The following SPATA17 variants were observed in gnomAD, a reference collection of about 807,000 sequenced individuals.
The protein encoded by SPATA17 is spermatogenesis-associated protein 17.
Under a neutral mutation model 62.2 loss-of-function variants are expected in SPATA17, and 53 were observed. The ratio of observed to expected loss-of-function variants is 0.85; its 90% CI spans 0.68 to 1.07. SPATA17 has a LOEUF of 1.07. Among genes scored for constraint, SPATA17 ranks in the 50% least tolerant of loss-of-function variants. The pLI, the probability that SPATA17 is intolerant of heterozygous loss-of-function variation, is 0.00. For synonymous variants in SPATA17, 146 were observed against 146.8 expected (o/e 0.99, Z 0.04); for missense variants, 466 against 425.5 (o/e 1.10, Z -0.84).
At position 217,727,251 on chromosome 1, in the gene SPATA17, AATAATAATAATAAT is replaced by A. The variant is rs1558581742; in HGVS notation, c.396-14722_396-14709del. ...AACAAGAGCAAAACTCCGTCTCAATAATAATAATAATAATAATAATAATAATAATAATAATAACA... is the reference window on the plus strand; with the variant it reads ...AACAAGAGCAAAACTCCGTCTCAATAAATAATAATAATAATAATAATAACA... On this transcript the variant is annotated intron_variant, in intron 5 of 10. Coordinates refer to ENST00000366933, the MANE Select transcript of SPATA17 (RefSeq NM_138796.4). Among the ~76,000 whole-genome samples the A allele has an allele frequency of 3.5e-3, 474 of 135,128 alleles. 6 individuals are homozygous for A. The highest frequency in any genetic ancestry group is 0.011 in the African/African-American group (432 of 39,080). 88.6% of individuals were successfully genotyped at this position (135,128 alleles called of 152,430 possible).
At chr1:217,796,109 A>G (rs1284138382) in intron 8 of SPATA17, among the ~76,000 whole-genome samples, 1 of 152,164 alleles carries the variant, frequency 6.6e-6, no homozygotes, top group Non-Finnish European at 1.5e-5. Flanking sequence ...AGTGATTTAT[A>G]TAAGTCCGTA....
chr1:217,770,620 T>C (rs1673414622), intron 6 of SPATA17, among the ~76,000 whole-genome samples: 1 of 152,142 alleles, frequency 6.6e-6, no homozygotes, highest in Non-Finnish European at 1.5e-5. Context: ...AAGGTCAGTG[T>C]ATGAGTGGAA....
intron 6 of SPATA17, among the ~76,000 whole-genome samples, chr1:217,762,810 A>G (rs1367969653): frequency 6.6e-6 from 1 of 152,174 alleles, no homozygotes; most frequent in Non-Finnish European, 1.5e-5. Context: ...CATGTCTACT[A>G]AAAACACAAA....
intron 4 of SPATA17, among the ~76,000 whole-genome samples, chr1:217,678,352 G>A (rs1272737460): frequency 6.6e-6 from 1 of 151,664 alleles, no homozygotes; most frequent in Non-Finnish European, 1.5e-5. Flanking sequence ...GGGATTACAG[G>A]CTCCTGCCAC....
At chr1:217,863,257 G>T (rs999760572) in intron 10 of SPATA17, among the ~76,000 whole-genome samples, 1 of 151,124 alleles carries the variant, frequency 6.6e-6, no homozygotes, top group Non-Finnish European at 1.5e-5. Context: ...AGAGTGTCTG[G>T]GACTACAGTC....
chr1:217,750,754 A>G (rs4344379), intron 6 of SPATA17, among the ~76,000 whole-genome samples: 116,439 of 152,130 alleles, frequency 0.77, 44,972 homozygotes, highest in Non-Finnish European at 0.81. Flanking sequence ...ACTCACACTG[A>G]CAGAGATGCC....
At chr1:217,665,207 A>G (rs1670668110) in intron 3 of SPATA17, 1 of 152,192 alleles carries the variant, frequency 6.6e-6, no homozygotes, top group African/African-American at 2.4e-5. Context: ...AGTAATCATT[A>G]TCGTACTAGA....
At position 217,774,343 on chromosome 1, in the gene SPATA17, A is replaced by G; in HGVS notation, c.529A>G (p.Ile177Val). The change falls in exon 7 of 11, where the codon ATA becomes GTA. Residue 177 changes from isoleucine to valine, a missense_variant. Ile to Val is a conservative substitution (Grantham distance 29). Transcript: ENST00000366933. ...YLLSTKQIPG[I>V]YNSPFRKEPD... ...CTTTCTTCTTCTTTAGATTCCAGGA[A>G]TATACAATTCACCCTTCAGAAAAGA... 2 of 1,613,398 alleles carry G rather than the reference A, an allele frequency of 1.2e-6. No individual in the cohort carries two copies. The highest frequency in any genetic ancestry group is 1.7e-6 in the Non-Finnish European group (2 of 1,179,634).
intron 3 of SPATA17, among the ~76,000 whole-genome samples, chr1:217,662,884 AG>A (rs1454907269): frequency 1.3e-5 from 2 of 152,206 alleles, no homozygotes; most frequent in African/African-American, 4.8e-5. Flanking sequence ...TAAGATAATA[AG>A]GCAGCATTCT....
chr1:217,802,028 A>G (rs921669667), intron 9 of SPATA17, among the ~76,000 whole-genome samples, 178 bp downstream of exon 9: 5 of 150,794 alleles, frequency 3.3e-5, no homozygotes, highest in Admixed American at 3.3e-4. Context: ...TTTTTTCAGT[A>G]TTGTATTCTT....
chr1:217,682,125 T>A (rs1265466824), intron 4 of SPATA17, among the ~76,000 whole-genome samples: 1 of 152,166 alleles, frequency 6.6e-6, no homozygotes, highest in East Asian at 1.9e-4. Context: ...TTTCAATATG[T>A]GCTATTTCTT....
chr1:217,635,656 G>T (rs1669919277), intron 1 of SPATA17, among the ~76,000 whole-genome samples: 1 of 151,672 alleles, frequency 6.6e-6, no homozygotes. Context: ...GTGAGCCAAG[G>T]TCGGACCATT....
chr1:217,737,393 A>G (rs1672533426), intron 5 of SPATA17, among the ~76,000 whole-genome samples: 1 of 152,210 alleles, frequency 6.6e-6, no homozygotes, highest in South Asian at 2.1e-4. Context: ...TGGAAGTGTC[A>G]TAGATGGAAA....
chr1:217,714,585 C>T (rs1301750317), intron 5 of SPATA17, among the ~76,000 whole-genome samples: 1 of 150,112 alleles, frequency 6.7e-6, no homozygotes, highest in Non-Finnish European at 1.5e-5. Context: ...CCCAGGTTCA[C>T]GCCATTCTCC....
intron 6 of SPATA17, among the ~76,000 whole-genome samples, chr1:217,747,244 A>T (rs1003465752): frequency 2.0e-5 from 3 of 152,168 alleles, no homozygotes; most frequent in African/African-American, 7.2e-5. Context: ...AACTAAATCT[A>T]ACACATATAA....
chr1:217,638,092 C>A (rs1000237046), intron 1 of SPATA17, among the ~76,000 whole-genome samples: 1 of 152,010 alleles, frequency 6.6e-6, no homozygotes, highest in Non-Finnish European at 1.5e-5. Context: ...ATGATCGACT[C>A]AGTGAATATC....
Position 217,801,860 on chromosome 1 carries a change from C to A in SPATA17, c.1005+10C>A. Reference sequence around the variant, plus strand: ...ATGGATCTGTGACAAGGTGAGTTAACAAAACATTTTAAAAAGTTATTCCTT... The same window carrying A: ...ATGGATCTGTGACAAGGTGAGTTAAAAAAACATTTTAAAAAGTTATTCCTT... On this transcript the variant is annotated intron_variant, in intron 9 of 10. Transcript: ENST00000366933. The A allele has an allele frequency of 1.3e-6, 2 of 1,591,448 alleles. No homozygotes were observed. The highest frequency in any genetic ancestry group is 1.7e-6 in the Non-Finnish European group (2 of 1,173,594).
chr1:217,798,873 T>C (rs1674222944), intron 8 of SPATA17, among the ~76,000 whole-genome samples: 1 of 150,160 alleles, frequency 6.7e-6, no homozygotes, highest in South Asian at 2.1e-4. Context: ...CTATTTTCTG[T>C]CTTTTTTTTT....
chr1:217,730,360 G>A (rs1672376366), intron 5 of SPATA17, among the ~76,000 whole-genome samples: 1 of 151,834 alleles, frequency 6.6e-6, no homozygotes. Flanking sequence ...GGGATTACAG[G>A]CACGCACCAC....
Sources: allele counts gnomAD v4.1 joint callset (sites outside exome capture counted in the v4.1 genomes callset), GRCh38; gene constraint gnomAD v4.1.1; transcripts MANE v1.5; gene names NCBI Gene and HGNC (gene_info 2026-07-23, HGNC 2026-07-21).